RTN1: variants seen among roughly 807,000 people sequenced by gnomAD.
The protein encoded by RTN1 is reticulon-1.
Under a neutral mutation model 65.5 loss-of-function variants are expected in RTN1, and 25 were observed. The observed-to-expected ratio is 0.38, with a 90% CI of 0.28 to 0.53. The LOEUF (loss-of-function observed/expected upper bound fraction) is 0.53. RTN1 is among the 20% of genes least tolerant of loss of function. The probability of loss-of-function intolerance (pLI) is 0.79; values close to 1 mark genes in which losing one functional copy is unlikely to be tolerated. For missense variants in RTN1, 983 were observed against 1,025.4 expected, an observed-to-expected ratio of 0.96 and a Z score of 0.57; for synonymous variants, 471 against 447.6, an observed-to-expected ratio of 1.05 and a Z score of -0.66.
intron 1 of RTN1, among the ~76,000 whole-genome samples, chr14:59,820,979 C>T (rs1051526103): frequency 5.9e-5 from 9 of 152,120 alleles, no homozygotes; most frequent in African/African-American, 2.2e-4. Flanking sequence ...CTTAAGAATG[C>T]TTTGGCTATT....
chr14:59,847,580 C>A (rs1050201964), intron 1 of RTN1, among the ~76,000 whole-genome samples: 1 of 152,182 alleles, frequency 6.6e-6, no homozygotes, highest in Non-Finnish European at 1.5e-5. Flanking sequence ...AAATGTGTGT[C>A]ATTTTCTAGT....
chr14:59,668,042 A>G (rs1191667376), intron 3 of RTN1, among the ~76,000 whole-genome samples: 6 of 152,362 alleles, frequency 3.9e-5, no homozygotes, highest in Non-Finnish European at 8.8e-5. Flanking sequence ...AGTAATTTAT[A>G]GATTCAATGT....
intron 3 of RTN1, among the ~76,000 whole-genome samples, chr14:59,608,596 A>G (rs1332888074): frequency 6.6e-6 from 1 of 152,216 alleles, no homozygotes; most frequent in Non-Finnish European, 1.5e-5. Context: ...CTGGCTGGAG[A>G]GTAAATCAGG....
At chr14:59,597,464 GT>G (rs932012086) in intron 8 of RTN1, among the ~76,000 whole-genome samples, 1 of 152,228 alleles carries the variant, frequency 6.6e-6, no homozygotes, top group African/African-American at 2.4e-5. Context: ...CACTGGAAGT[GT>G]TTTGTTAATT....
At chr14:59,707,903 C>G (rs922438332) in intron 3 of RTN1, among the ~76,000 whole-genome samples, 1 of 152,064 alleles carries the variant, frequency 6.6e-6, no homozygotes, top group Non-Finnish European at 1.5e-5. Context: ...TTGCTGTGTT[C>G]TACTGAAACT....
intron 1 of RTN1, among the ~76,000 whole-genome samples, chr14:59,799,420 A>G (rs1886498185): frequency 6.6e-6 from 1 of 152,222 alleles, no homozygotes. Context: ...CAGGGCCATC[A>G]GAGAGTTGAG....
chr14:59,762,981 G>A (rs1885778548), intron 1 of RTN1, among the ~76,000 whole-genome samples: 1 of 152,054 alleles, frequency 6.6e-6, no homozygotes. Context: ...TTTGTGTTTT[G>A]AGCACTCCTC....
intron 5 of RTN1, chr14:59,605,152 C>T (rs78935454): frequency 0.026 from 11,201 of 426,784 alleles, 209 homozygotes; most frequent in Non-Finnish European, 0.036. Flanking sequence ...CAGTGACTCA[C>T]TGGGCAACCC....
intron 1 of RTN1, among the ~76,000 whole-genome samples, chr14:59,778,216 G>GT (rs1448561491): frequency 6.6e-6 from 1 of 152,078 alleles, no homozygotes; most frequent in Non-Finnish European, 1.5e-5. Context: ...TTCAATCACA[G>GT]TTGTAATTTT....
intron 3 of RTN1, among the ~76,000 whole-genome samples, chr14:59,644,761 T>A (rs1354888189): frequency 6.6e-6 from 1 of 152,098 alleles, no homozygotes; most frequent in Non-Finnish European, 1.5e-5. Flanking sequence ...GCTGTCATCT[T>A]TGGTGTTTCA....
intron 1 of RTN1, among the ~76,000 whole-genome samples, chr14:59,784,421 A>G (rs1886215088): frequency 6.6e-6 from 1 of 151,626 alleles, no homozygotes; most frequent in Non-Finnish European, 1.5e-5. Flanking sequence ...AGCCGGGGCA[A>G]CAAGAGCGAA....
At chr14:59,750,165 T>TA (rs1725918186) in intron 1 of RTN1, among the ~76,000 whole-genome samples, 3 of 73,682 alleles carry the variant, frequency 4.1e-5, no homozygotes, top group East Asian at 7.5e-4. Flanking sequence ...ATAATATATA[T>TA]TATATCTATA....
chr14:59,770,419 G>C (rs1317645883), intron 1 of RTN1, among the ~76,000 whole-genome samples: 1 of 147,132 alleles, frequency 6.8e-6, no homozygotes, highest in African/African-American at 2.5e-5. Flanking sequence ...ATAGAACTTA[G>C]GATTTCAAAG....
intron 3 of RTN1, among the ~76,000 whole-genome samples, chr14:59,661,577 G>T (rs1289503760): frequency 6.6e-6 from 1 of 152,106 alleles, no homozygotes; most frequent in Non-Finnish European, 1.5e-5. Context: ...TTCATCACTG[G>T]GATGCAAGGC....
In RTN1 at chr14:59,755,424, T is replaced by G. The variant is rs74722391; in HGVS notation, c.242-8943A>C. Among the ~76,000 whole-genome samples, 301 of 152,246 alleles carry G rather than the reference T, an allele frequency of 2.0e-3. 4 individuals are homozygous for G. The East Asian group carries it at 0.049, about 25-fold the overall frequency. On this transcript the variant is annotated intron_variant, in intron 1 of 8. Coordinates refer to ENST00000267484, the MANE Select transcript of RTN1 (RefSeq NM_021136.3). Reference sequence around the variant, plus strand: ...TGCAGAGAGAGGTGCATATTAAAATTCAAGAATTAAAAGCCAGAATCAATG... The same window carrying G: ...TGCAGAGAGAGGTGCATATTAAAATGCAAGAATTAAAAGCCAGAATCAATG...
At chr14:59,806,150 C>G (rs1886632523) in intron 1 of RTN1, among the ~76,000 whole-genome samples, 1 of 152,016 alleles carries the variant, frequency 6.6e-6, no homozygotes, top group Non-Finnish European at 1.5e-5. Flanking sequence ...GCAGGAGAAT[C>G]ACTCGAACCT....
intron 3 of RTN1, among the ~76,000 whole-genome samples, chr14:59,611,739 A>C (rs1382514725): frequency 2.0e-5 from 3 of 152,094 alleles, no homozygotes; most frequent in Non-Finnish European, 4.4e-5. Context: ...GATTTCGAGG[A>C]GGTTTCTCAG....
chr14:59,744,380 G>C (rs1458878482), intron 2 of RTN1, among the ~76,000 whole-genome samples: 2 of 152,194 alleles, frequency 1.3e-5, no homozygotes, highest in Non-Finnish European at 2.9e-5. Flanking sequence ...GAGATGCAAA[G>C]GCTGGAGAGA....
At chr14:59,629,956 C>T (rs2140183885) in intron 3 of RTN1, among the ~76,000 whole-genome samples, 1 of 152,206 alleles carries the variant, frequency 6.6e-6, no homozygotes, top group East Asian at 1.9e-4. Flanking sequence ...CATCTCCACT[C>T]TCCTTTGTGT....
Sources: allele counts gnomAD v4.1 joint callset (sites outside exome capture counted in the v4.1 genomes callset), GRCh38; gene constraint gnomAD v4.1.1; transcripts MANE v1.5; gene names NCBI Gene and HGNC (gene_info 2026-07-23, HGNC 2026-07-21).